Variants in C3orf49 observed in about 807,000 individuals in gnomAD.
The protein encoded by C3orf49 is chromosome 3 open reading frame 49.
Under a neutral mutation model 13.3 loss-of-function variants are expected in C3orf49, and 27 were observed. The ratio of observed to expected loss-of-function variants is 2.02; its 90% CI spans 1.49 to 2.79. The LOEUF (loss-of-function observed/expected upper bound fraction) is 2.79. Ranked by LOEUF, C3orf49 falls within the 30% of genes most tolerant of loss-of-function variation. The pLI is 0.00. For missense variants in C3orf49, 242 were observed against 134.2 expected (o/e 1.80, Z -3.97); for synonymous variants, 87 against 47.6 (o/e 1.83, Z -3.40).
the C3orf49 span, among the ~76,000 whole-genome samples, chr3:63,785,324 G>C: frequency 1.3e-5 from 2 of 151,530 alleles, no homozygotes; most frequent in South Asian, 2.1e-4. Context: ...CACCTGCCAC[G>C]GCCTCTCAAA....
At chr3:63,816,086 T>C (rs1701321291), upstream of C3orf49, among the ~76,000 whole-genome samples, 1 of 151,372 alleles carries the variant, frequency 6.6e-6, no homozygotes. Context: ...GCCTGGCCTG[T>C]TTTTCTTTTT....
At chr3:63,809,842 T>G in the C3orf49 span, among the ~76,000 whole-genome samples, 3 of 152,108 alleles carry the variant, frequency 2.0e-5, no homozygotes, top group Non-Finnish European at 2.9e-5. Context: ...ATAATTGCGG[T>G]TTTTGCCATT....
At chr3:63,845,135 C>G (rs913746370) in intron 6 of C3orf49, 53 bp downstream of exon 6, 1 of 649,322 alleles carries the variant, frequency 1.5e-6, no homozygotes. Flanking sequence ...CTTCATGTAG[C>G]CCTGAGGGTT....
the C3orf49 span, chr3:63,805,175 A>G: frequency 1.3e-5 from 2 of 152,322 alleles, no homozygotes; most frequent in South Asian, 4.1e-4. Context: ...GTATATTCAG[A>G]GGCATTTTCC....
intron 2 of C3orf49, chr3:63,827,373 G>T: frequency 2.8e-6 from 1 of 361,096 alleles, no homozygotes; most frequent in South Asian, 9.4e-5. Flanking sequence ...CCTTGTCAAA[G>T]ACTGGGTTGG....
intron 1 of C3orf49, among the ~76,000 whole-genome samples, chr3:63,822,406 G>A (rs986439899): frequency 1.3e-5 from 2 of 152,176 alleles, no homozygotes; most frequent in African/African-American, 4.8e-5. Context: ...GTTAATTGAG[G>A]AAGAATATTA....
At chr3:63,842,049 G>C (rs1046225519) in intron 5 of C3orf49, among the ~76,000 whole-genome samples, 7 of 152,156 alleles carry the variant, frequency 4.6e-5, no homozygotes, top group Non-Finnish European at 1.0e-4. Flanking sequence ...TGAGTGCCCT[G>C]ATTGAGAGGA....
the C3orf49 span, chr3:63,782,572 T>C: frequency 6.6e-6 from 1 of 152,198 alleles, no homozygotes; most frequent in African/African-American, 2.4e-5. Context: ...ACAGTTGAGA[T>C]TGTACAGAAA....
At chr3:63,812,889 T>C in the C3orf49 span, among the ~76,000 whole-genome samples, 2 of 152,250 alleles carry the variant, frequency 1.3e-5, no homozygotes, top group African/African-American at 4.8e-5. Flanking sequence ...CCACCTCTGC[T>C]GCTCTACCAC....
In C3orf49 at chr3:63,843,052, G is replaced by A. The variant is rs151033653; in HGVS notation, c.850-1971G>A. On this transcript the variant is annotated intron_variant, in intron 5 of 6. Transcript: ENST00000295896. Reference sequence around the variant, plus strand: ...ATCCACATGCCTCAACCTCCCAAGTGCTGGAATTACAGGCATGAGCCTCTG... The same window carrying A: ...ATCCACATGCCTCAACCTCCCAAGTACTGGAATTACAGGCATGAGCCTCTG... Among the ~76,000 whole-genome samples, 7 of 151,926 alleles carry A rather than the reference G, an allele frequency of 4.6e-5. No individual in the cohort carries two copies. The East Asian group carries it at 1.4e-3, about 30-fold the overall frequency.
the C3orf49 span, among the ~76,000 whole-genome samples, chr3:63,798,872 G>A: frequency 1.3e-5 from 2 of 152,034 alleles, no homozygotes; most frequent in African/African-American, 2.4e-5. Flanking sequence ...GTGTAGGGCC[G>A]GAACCAGAAA....
At chr3:63,815,890 G>C (rs1173809053), upstream of C3orf49, among the ~76,000 whole-genome samples, 2 of 151,124 alleles carry the variant, frequency 1.3e-5, no homozygotes, top group African/African-American at 4.9e-5. Flanking sequence ...GAAGCCGGGA[G>C]GTTCTCCTCC....
the C3orf49 span, among the ~76,000 whole-genome samples, chr3:63,782,121 A>G: frequency 4.6e-5 from 7 of 152,174 alleles, no homozygotes; most frequent in African/African-American, 1.7e-4. Context: ...TGATGATAAT[A>G]TTAGCCAGAA....
upstream of C3orf49, among the ~76,000 whole-genome samples, chr3:63,819,161 T>G (rs3821898): frequency 0.021 from 3,212 of 152,210 alleles, 64 homozygotes; most frequent in South Asian, 0.076. Flanking sequence ...GGCAATCAGA[T>G]CATCATTTCT....
At chr3:63,790,941 C>T in the C3orf49 span, among the ~76,000 whole-genome samples, 1 of 152,174 alleles carries the variant, frequency 6.6e-6, no homozygotes, top group Non-Finnish European at 1.5e-5. Flanking sequence ...TAGCTTGGCC[C>T]TGTAGGCAAG....
the C3orf49 span, among the ~76,000 whole-genome samples, chr3:63,783,525 T>TACACAC: frequency 0.11 from 15,128 of 131,842 alleles, 868 homozygotes; most frequent in Non-Finnish European, 0.13. Flanking sequence ...TACTAAAAAT[T>TACACAC]ACACACACAC....
chr3:63,802,701 TAC>T, the C3orf49 span, among the ~76,000 whole-genome samples: 1 of 152,214 alleles, frequency 6.6e-6, no homozygotes, highest in African/African-American at 2.4e-5. Context: ...GCACTTTCCA[TAC>T]ATTATCTTTT....
chr3:63,829,128 T>C (rs1047068186), intron 3 of C3orf49, among the ~76,000 whole-genome samples: 2 of 152,112 alleles, frequency 1.3e-5, no homozygotes, highest in Non-Finnish European at 2.9e-5. Flanking sequence ...ACTGTCAGAG[T>C]GCACTGATAC....
intron 5 of C3orf49, chr3:63,838,144 C>A: frequency 7.7e-7 from 1 of 1,307,038 alleles, no homozygotes; most frequent in Admixed American, 2.3e-5. Flanking sequence ...TATAAATTAA[C>A]CTCTATTGGT....
Sources: gnomAD v4.1 joint callset for allele counts (sites outside exome capture counted in the v4.1 genomes callset) on GRCh38, gnomAD v4.1.1 for gene constraint, MANE v1.5 for transcripts, NCBI Gene and HGNC (gene_info 2026-07-23, HGNC 2026-07-21) for gene names.